ARPC3: variants seen among roughly 807,000 people sequenced by gnomAD.
The protein encoded by ARPC3 is actin related protein 2/3 complex subunit 3, also known as actin-related protein 2/3 complex subunit 3.
ARPC3 carries 12 observed loss-of-function variants against 27.6 expected under a neutral mutation model. The observed-to-expected ratio is 0.43, with a 90% CI of 0.28 to 0.70. ARPC3 has a LOEUF of 0.70. Ranked by LOEUF, ARPC3 falls within the 30% of genes least tolerant of loss-of-function variation. ARPC3 has a pLI of 0.17. For synonymous variants in ARPC3, 53 were observed against 67.2 expected (o/e 0.79, Z 1.03); for missense variants, 153 against 207.7 (o/e 0.74, Z 1.62).
intron 5 of ARPC3, 144 bp from the exon 6 acceptor site, chr12:110,436,348 T>A: frequency 9.2e-7 from 1 of 1,091,208 alleles, no homozygotes; most frequent in Non-Finnish European, 1.3e-6. Flanking sequence ...GATAGTTTTA[T>A]AACTATATTT....
intron 3 of ARPC3, among the ~76,000 whole-genome samples, chr12:110,438,045 C>T (rs2062415417): frequency 6.6e-6 from 1 of 152,086 alleles, no homozygotes; most frequent in Non-Finnish European, 1.5e-5. Context: ...CCTGTAATCC[C>T]AGCACTTTGG....
chr12:110,450,321 G>C lies in ARPC3; in HGVS notation c.-61C>G. ...GATCCAGGTACAGCGGAGCGCTTCC[G>C]GTCTGGCAGCCTGGGCGAGGTAGGC... On this transcript the variant is annotated 5_prime_UTR_variant, in exon 1 of 7. Coordinates refer to ENST00000228825, the MANE Select transcript of ARPC3 (RefSeq NM_001278556.2). 1 of 1,611,718 alleles carries C rather than the reference G, an allele frequency of 6.2e-7. No homozygotes were observed.
chr12:110,447,258 G>T (rs927565502), intron 1 of ARPC3, among the ~76,000 whole-genome samples: 1 of 152,092 alleles, frequency 6.6e-6, no homozygotes, highest in African/African-American at 2.4e-5. Context: ...TAAAGGAAGG[G>T]ATAAAAAAAA....
intron 1 of ARPC3, among the ~76,000 whole-genome samples, chr12:110,447,544 G>A (rs1592955930): frequency 6.6e-6 from 1 of 152,196 alleles, no homozygotes; most frequent in South Asian, 2.1e-4. Flanking sequence ...GGAGGCTGAG[G>A]CGGACAGATC....
chr12:110,440,987 C>A (rs923547874), intron 2 of ARPC3, among the ~76,000 whole-genome samples: 1 of 150,498 alleles, frequency 6.6e-6, no homozygotes, highest in African/African-American at 2.5e-5. Context: ...GGGCTATAGG[C>A]ACCTGCCACC....
intron 1 of ARPC3, among the ~76,000 whole-genome samples, chr12:110,445,793 T>A (rs2062461154): frequency 6.6e-6 from 1 of 152,206 alleles, no homozygotes; most frequent in South Asian, 2.1e-4. Flanking sequence ...AATCAAATTA[T>A]ATAAACTTAC....
At chr12:110,449,269 A>G (rs1357161306) in intron 1 of ARPC3, among the ~76,000 whole-genome samples, 1 of 152,076 alleles carries the variant, frequency 6.6e-6, no homozygotes, top group Non-Finnish European at 1.5e-5. Flanking sequence ...TGTTAAAAAT[A>G]ATGTGTGAGC....
intron 2 of ARPC3, among the ~76,000 whole-genome samples, chr12:110,443,967 AG>A (rs1311194104): frequency 2.3e-5 from 3 of 131,916 alleles, no homozygotes; most frequent in Non-Finnish European, 4.8e-5. Flanking sequence ...ATTCCAATTC[AG>A]GTTTTTTTTT....
At position 110,442,590 on chromosome 12, in the gene ARPC3, A is replaced by G. The variant is rs1476389184; in HGVS notation, c.107-2202T>C. On this transcript the variant is annotated intron_variant, in intron 2 of 6. Transcript: ENST00000228825. ...TCCACCAAACTCAAGCCTGGGTGAC[A>G]GAGCGAGACTCCATCTCAAAAAAGT... The G allele has an allele frequency of 5.3e-5, 8 of 152,156 alleles. 1 individual carries two copies. The highest frequency in any genetic ancestry group is 3.9e-4 in the Admixed American group (6 of 15,260). The allele number at this position is 152,156 out of a possible 1,614,324, so 9.4% of individuals were successfully genotyped here.
intron 6 of ARPC3, among the ~76,000 whole-genome samples, chr12:110,435,551 C>T (rs2062398472): frequency 6.6e-6 from 1 of 152,112 alleles, no homozygotes; most frequent in African/African-American, 2.4e-5. Context: ...AGGATGGTCT[C>T]AATCTCCTGA....
intron 1 of ARPC3, among the ~76,000 whole-genome samples, chr12:110,447,925 T>C (rs1411965382): frequency 1.5e-5 from 2 of 137,814 alleles, no homozygotes; most frequent in East Asian, 4.6e-4. Flanking sequence ...CAGAGTTTCC[T>C]AGGCTGGAGT....
chr12:110,449,772 T>C (rs2062489817), intron 1 of ARPC3, among the ~76,000 whole-genome samples: 1 of 152,022 alleles, frequency 6.6e-6, no homozygotes, highest in Non-Finnish European at 1.5e-5. Context: ...AACGAGTCTG[T>C]GAGGGCCCTA....
intron 3 of ARPC3, 139 bp from the exon 4 acceptor site, chr12:110,437,291 C>T (rs1431273647): frequency 4.4e-6 from 3 of 685,502 alleles, no homozygotes; most frequent in Non-Finnish European, 7.9e-6. Context: ...AACTCCCATT[C>T]TCCAAATGCA....
intron 1 of ARPC3, 117 bp downstream of exon 1, chr12:110,450,135 CCTT>C: frequency 7.0e-7 from 1 of 1,433,238 alleles, no homozygotes. Context: ...TCGCCTCCCT[CCTT>C]CTCGGGCCCC....
chr12:110,438,476 G>T (rs2062417688), intron 3 of ARPC3, among the ~76,000 whole-genome samples: 1 of 150,854 alleles, frequency 6.6e-6, no homozygotes, highest in South Asian at 2.1e-4. Flanking sequence ...GCGCGTGCCT[G>T]TAATCCCAGC....
intron 2 of ARPC3, among the ~76,000 whole-genome samples, chr12:110,441,539 T>C (rs2062437723): frequency 6.6e-6 from 1 of 152,034 alleles, no homozygotes; most frequent in African/African-American, 2.4e-5. Context: ...TCAAAACAGT[T>C]TTATTTTTTA....
At chr12:110,444,780 TA>T (rs570758250) in intron 2 of ARPC3, 19 of 152,512 alleles carry the variant, frequency 1.2e-4, no homozygotes, top group African/African-American at 4.1e-4. Context: ...GGGGACTGGA[TA>T]AGTACCAAAT....
Position 110,437,117 on chromosome 12 carries a change from G to C in ARPC3, c.219C>G (p.Leu73=). The change falls in exon 4 of 7, where the codon CTC becomes CTG. Residue 73 remains leucine (L), a synonymous_variant. Coordinates refer to ENST00000228825, the MANE Select transcript of ARPC3 (RefSeq NM_001278556.2). ...EADRTLIYIT[L]YISECLKKLQ... is the part of the protein sequence containing the mutation. Reference sequence around the variant, plus strand: ...GTTTCTTCAGACATTCAGAAATGTAGAGAGTTATATATATCAAGGTCCTAT... The same window carrying C: ...GTTTCTTCAGACATTCAGAAATGTACAGAGTTATATATATCAAGGTCCTAT... 6.2e-7 allele frequency: 1 copy of C among 1,603,446 alleles called. No individual in the cohort carries two copies. The highest frequency in any genetic ancestry group is 8.5e-7 in the Non-Finnish European group (1 of 1,170,968).
At chr12:110,448,755 TA>T (rs1468958152) in intron 1 of ARPC3, among the ~76,000 whole-genome samples, 3 of 131,526 alleles carry the variant, frequency 2.3e-5, no homozygotes, top group African/African-American at 8.4e-5. Context: ...ACTGTCTTGT[TA>T]CCCATCTAGC....
Sources: gnomAD v4.1 joint callset for allele counts (sites outside exome capture counted in the v4.1 genomes callset) on GRCh38, gnomAD v4.1.1 for gene constraint, MANE v1.5 for transcripts, NCBI Gene and HGNC (gene_info 2026-07-23, HGNC 2026-07-21) for gene names.